RCSD1: variants seen among roughly 807,000 people sequenced by gnomAD.
RCSD1 encodes the protein RCSD domain containing 1, also known as capZ-interacting protein.
RCSD1 carries 26 observed loss-of-function variants against 42.5 expected under a neutral mutation model. The observed-to-expected ratio is 0.61, with a 90% CI of 0.45 to 0.85. The LOEUF (loss-of-function observed/expected upper bound fraction) is 0.85, where lower values mean the gene tolerates loss of function less well. Ranked by LOEUF, RCSD1 falls within the 40% of genes least tolerant of loss-of-function variation. RCSD1 has a pLI of 0.00. For synonymous variants in RCSD1, 220 were observed against 212.2 expected, an observed-to-expected ratio of 1.04 and a Z score of -0.32; for missense variants, 571 against 528.3, an observed-to-expected ratio of 1.08 and a Z score of -0.79.
chr1:167,674,405 C>A (rs1177246436), intron 1 of RCSD1, among the ~76,000 whole-genome samples: 1 of 152,142 alleles, frequency 6.6e-6, no homozygotes, highest in Non-Finnish European at 1.5e-5. Context: ...CCTCCATTGG[C>A]CCCTCCTACC....
At chr1:167,632,233 C>G (rs891766691) in intron 1 of RCSD1, among the ~76,000 whole-genome samples, 2 of 152,206 alleles carry the variant, frequency 1.3e-5, no homozygotes, top group African/African-American at 4.8e-5. Context: ...AGTGGCTTCC[C>G]TCTTCTGGAA....
At chr1:167,631,991 C>A (rs1442281499) in intron 1 of RCSD1, among the ~76,000 whole-genome samples, 1 of 152,218 alleles carries the variant, frequency 6.6e-6, no homozygotes, top group Non-Finnish European at 1.5e-5. Flanking sequence ...ATGGACCCTC[C>A]ACAGAAACAT....
At chr1:167,690,195 A>G in intron 4 of RCSD1, 75 bp downstream of exon 4, 1 of 1,395,710 alleles carries the variant, frequency 7.2e-7, no homozygotes, top group South Asian at 1.2e-5. Context: ...CATGACTTTG[A>G]GGCTCATAGG....
intron 1 of RCSD1, among the ~76,000 whole-genome samples, chr1:167,656,682 A>G (rs776904683): frequency 5.9e-5 from 9 of 152,196 alleles, no homozygotes; most frequent in Non-Finnish European, 1.2e-4. Flanking sequence ...CGCCTTCCAC[A>G]TAGTCATTTA....
At chr1:167,675,795 G>A (rs998616769) in intron 1 of RCSD1, among the ~76,000 whole-genome samples, 1 of 152,166 alleles carries the variant, frequency 6.6e-6, no homozygotes, top group Non-Finnish European at 1.5e-5. Context: ...TAATAAAATA[G>A]CCCACCAAAA....
chr1:167,631,581 C>T (rs113769699), intron 1 of RCSD1, among the ~76,000 whole-genome samples: 6,266 of 152,246 alleles, frequency 0.041, 427 homozygotes, highest in African/African-American at 0.14. Flanking sequence ...GCCTCCCAGG[C>T]TCAAAGGATC....
At chr1:167,655,685 G>C (rs912310587) in intron 1 of RCSD1, among the ~76,000 whole-genome samples, 18 of 152,136 alleles carry the variant, frequency 1.2e-4, no homozygotes, top group African/African-American at 4.3e-4. Context: ...GAGATTAGGA[G>C]AGCAGGAAGC....
At chr1:167,639,182 A>C (rs1420325647) in intron 1 of RCSD1, among the ~76,000 whole-genome samples, 4 of 152,176 alleles carry the variant, frequency 2.6e-5, no homozygotes, top group African/African-American at 9.7e-5. Context: ...ACGCCACTGC[A>C]CTCCAGCCTG....
chr1:167,674,417 A>G (rs542246250), intron 1 of RCSD1, among the ~76,000 whole-genome samples: 1 of 152,200 alleles, frequency 6.6e-6, no homozygotes, highest in East Asian at 1.9e-4. Flanking sequence ...CCTCCTACCC[A>G]CAATCCAACA....
intron 5 of RCSD1, among the ~76,000 whole-genome samples, chr1:167,696,198 G>A (rs1054879112): frequency 2.6e-5 from 4 of 152,048 alleles, no homozygotes; most frequent in Admixed American, 2.6e-4. Flanking sequence ...TCTTCTCGGT[G>A]CGATTCATCT....
chr1:167,643,996 G>C (rs781119890), intron 1 of RCSD1, among the ~76,000 whole-genome samples: 49 of 152,254 alleles, frequency 3.2e-4, no homozygotes, highest in Non-Finnish European at 6.2e-4. Context: ...CTGCAAAACT[G>C]CCGGTAAATC....
chr1:167,689,952 C>G, intron 3 of RCSD1, 97 bp from the exon 4 acceptor site: 1 of 1,189,044 alleles, frequency 8.4e-7, no homozygotes, highest in South Asian at 1.3e-5. Flanking sequence ...GCAACACCAA[C>G]TTCTCTTCTC....
intron 1 of RCSD1, among the ~76,000 whole-genome samples, chr1:167,655,072 G>A (rs1278143028): frequency 1.3e-5 from 2 of 152,172 alleles, no homozygotes; most frequent in Middle Eastern, 3.4e-3. Context: ...AGAGTACAAG[G>A]GCCTCTTGTT....
intron 1 of RCSD1, among the ~76,000 whole-genome samples, chr1:167,670,044 G>T (rs1463689781): frequency 6.6e-6 from 1 of 152,136 alleles, no homozygotes; most frequent in Non-Finnish European, 1.5e-5. Context: ...GGCAGGAATG[G>T]CCCCTAGTGA....
intron 4 of RCSD1, among the ~76,000 whole-genome samples, chr1:167,691,464 C>A (rs1463344417): frequency 1.3e-5 from 2 of 152,226 alleles, no homozygotes; most frequent in African/African-American, 2.4e-5. Flanking sequence ...GAGAGGCAGG[C>A]ATGTTATGTC....
chr1:167,633,825 C>G (rs1229395), intron 1 of RCSD1: 149,738 of 152,328 alleles, frequency 0.98, 73,629 homozygotes, highest in African/African-American at 1. Flanking sequence ...GCATCTTTTC[C>G]AGTACAGGTA....
At chr1:167,683,034 T>A (rs1162844372) in intron 1 of RCSD1, among the ~76,000 whole-genome samples, 1 of 152,196 alleles carries the variant, frequency 6.6e-6, no homozygotes. Context: ...ACTCTGTGTG[T>A]CTTGGTGACA....
intron 1 of RCSD1, 24 bp downstream of exon 1, chr1:167,630,453 CG>C: frequency 6.5e-7 from 1 of 1,530,044 alleles, no homozygotes; most frequent in Non-Finnish European, 8.8e-7. Flanking sequence ...GAGGGAGACG[CG>C]GGGCTGAGCG....
At chr1:167,635,223 G>A (rs796170845) in intron 1 of RCSD1, among the ~76,000 whole-genome samples, 34 of 152,108 alleles carry the variant, frequency 2.2e-4, no homozygotes, top group African/African-American at 8.2e-4. Flanking sequence ...GCTGCTGGTT[G>A]GAGCTGATGG....
Sources: allele counts gnomAD v4.1 joint callset (sites outside exome capture counted in the v4.1 genomes callset), GRCh38; gene constraint gnomAD v4.1.1; transcripts MANE v1.5; gene names NCBI Gene and HGNC (gene_info 2026-07-23, HGNC 2026-07-21).